The following PKM variants were observed in gnomAD, a reference collection of about 807,000 sequenced individuals.
The protein encoded by PKM is pyruvate kinase M1/2.
PKM carries 18 observed loss-of-function variants against 49.8 expected under a neutral mutation model. That is an observed-to-expected ratio of 0.36 (90% CI 0.25 to 0.54). PKM has a LOEUF of 0.54. PKM is among the 20% of genes least tolerant of loss of function. The pLI is 0.89. For missense variants in PKM, 508 were observed against 713.8 expected, an observed-to-expected ratio of 0.71 and a Z score of 3.28; for synonymous variants, 239 against 261.8, an observed-to-expected ratio of 0.91 and a Z score of 0.84.
chr15:72,215,862 T>G (rs1021907912), intron 3 of PKM, among the ~76,000 whole-genome samples: 3 of 152,142 alleles, frequency 2.0e-5, no homozygotes, highest in African/African-American at 7.2e-5. Flanking sequence ...TAACACTTAA[T>G]TCTCTAACAA....
intron 1 of PKM, among the ~76,000 whole-genome samples, chr15:72,225,149 G>C (rs1043537335): frequency 5.4e-5 from 8 of 148,644 alleles, no homozygotes; most frequent in Non-Finnish European, 4.5e-5. Context: ...TGTTAGCCAG[G>C]ATGGTCTCAA....
chr15:72,203,106 A>G, intron 8 of PKM: 1 of 1,614,088 alleles, frequency 6.2e-7, no homozygotes, highest in Non-Finnish European at 8.5e-7. Flanking sequence ...GGCTTCCATG[A>G]GGTCTGTGGA....
At chr15:72,231,020 T>G in intron 1 of PKM, 96 bp downstream of exon 1, 1 of 1,212,120 alleles carries the variant, frequency 8.3e-7, no homozygotes, top group Non-Finnish European at 1.1e-6. Flanking sequence ...CCGCCCTGCC[T>G]GCGTGCCCGG....
intron 1 of PKM, among the ~76,000 whole-genome samples, chr15:72,229,076 C>T (rs2082768250): frequency 6.6e-6 from 1 of 152,212 alleles, no homozygotes; most frequent in African/African-American, 2.4e-5. Flanking sequence ...CCTTGGGGAA[C>T]TGGTTTCCAG....
At position 72,206,677 on chromosome 15, in the gene PKM, T is replaced by A. The variant is rs751568831; in HGVS notation, c.1140+51A>T. The A allele has an allele frequency of 2.5e-6, 4 of 1,588,392 alleles. 1 individual carries two copies. The South Asian group carries it at 3.3e-5, about 13-fold the overall frequency. ...AGCTCTGCACCAGAGCTTGCATCCATCCCAGGCCCAGTCCGAAGCCCTGGG... is the reference window on the plus strand; with the variant it reads ...AGCTCTGCACCAGAGCTTGCATCCAACCCAGGCCCAGTCCGAAGCCCTGGG... On this transcript the variant is annotated intron_variant, in intron 8 of 10. Transcript: ENST00000335181.
rs1219668266 is a variant in PKM at position 72,229,593 on chromosome 15, C to T, written c.-14+1523G>A. On this transcript the variant is annotated intron_variant, in intron 1 of 10. Coordinates refer to ENST00000335181, the MANE Select transcript of PKM (RefSeq NM_002654.6). ...CTTCAGACTGGAAGGTGCTTTCCTG[C>T]ATCTTCTAATCCAGTGTGCTTGCCA... 5.4e-6 allele frequency: 7 copies of T among 1,286,740 alleles called. No individual in the cohort carries two copies. In the South Asian group the frequency reaches 7.4e-5, roughly 14 times the overall value. 79.7% of individuals were successfully genotyped at this position (1,286,740 alleles called of 1,614,324 possible). A position where few individuals can be genotyped will look rare whatever the true frequency, so the allele number is the denominator to read the frequency against.
chr15:72,205,887 A>T lies in PKM; in HGVS notation c.1140+841T>A, dbSNP rs28658414. On this transcript the variant is annotated intron_variant, in intron 8 of 10. Coordinates refer to ENST00000335181, the MANE Select transcript of PKM (RefSeq NM_002654.6). ...TCAGGGATCCCTGAGTTAGCTCCAG[A>T]GCTGGAACAGACAGGGCAAAGGGAC... Among the ~76,000 whole-genome samples the T allele has an allele frequency of 6.0e-3, 908 of 152,148 alleles. 8 individuals carry two copies. The highest frequency in any genetic ancestry group is 0.021 in the African/African-American group (862 of 41,438).
intron 1 of PKM, among the ~76,000 whole-genome samples, chr15:72,227,949 G>C (rs531712085): frequency 1.8e-4 from 27 of 152,224 alleles, no homozygotes; most frequent in African/African-American, 6.3e-4. Context: ...CCCCACATCA[G>C]TGTCACAACA....
At chr15:72,220,274 C>G (rs8192389) in intron 1 of PKM, among the ~76,000 whole-genome samples, 232 of 152,338 alleles carry the variant, frequency 1.5e-3, no homozygotes, top group Non-Finnish European at 2.4e-3. Flanking sequence ...CAGGAACAAG[C>G]TCCTCTTTAG....
At chr15:72,230,057 G>T (rs536085641) in intron 1 of PKM, among the ~76,000 whole-genome samples, 1 of 152,328 alleles carries the variant, frequency 6.6e-6, no homozygotes, top group East Asian at 1.9e-4. Flanking sequence ...GCCCGGTGAA[G>T]CGGGGTGGGC....
intron 1 of PKM, among the ~76,000 whole-genome samples, chr15:72,225,231 C>T (rs1369376143): frequency 8.6e-5 from 13 of 151,738 alleles, no homozygotes; most frequent in Admixed American, 7.9e-4. Context: ...CCACTGTGCC[C>T]GGCCCTCTTT....
chr15:72,219,856 T>C (rs562691545), intron 1 of PKM, among the ~76,000 whole-genome samples: 42 of 152,330 alleles, frequency 2.8e-4, no homozygotes, highest in African/African-American at 1.0e-3. Flanking sequence ...TCAAATCTTT[T>C]CCCCAAATGA....
rs1367527833 is a variant in PKM at position 72,230,861 on chromosome 15, G to A, written c.-14+255C>T. On this transcript the variant is annotated intron_variant, in intron 1 of 10. Coordinates refer to ENST00000335181, the MANE Select transcript of PKM (RefSeq NM_002654.6). ...AGGAAGAGGATGGGACCAGAATGAGGGGGTAGGGCTGGGGCGGGAAAGGAG... is the reference window on the plus strand; with the variant it reads ...AGGAAGAGGATGGGACCAGAATGAGAGGGTAGGGCTGGGGCGGGAAAGGAG... 4 of 1,151,278 alleles carry A rather than the reference G, an allele frequency of 3.5e-6. No homozygotes were observed. In the East Asian group the frequency reaches 1.8e-4, roughly 51 times the overall value. The allele number at this position is 1,151,278 out of a possible 1,614,324, so 71.3% of individuals were successfully genotyped here. A position where few individuals can be genotyped will look rare whatever the true frequency, so the allele number is the denominator to read the frequency against.
chr15:72,203,035 T>A (rs1397863911), intron 8 of PKM: 1 of 1,614,128 alleles, frequency 6.2e-7, no homozygotes, highest in Non-Finnish European at 8.5e-7. Flanking sequence ...CCAGACTCCG[T>A]CAGAACTATC....
At chr15:72,227,989 TGCTA>T (rs2082729726) in intron 1 of PKM, among the ~76,000 whole-genome samples, 1 of 152,172 alleles carries the variant, frequency 6.6e-6, no homozygotes, top group Admixed American at 6.5e-5. Context: ...TCCCATAAAG[TGCTA>T]GCTGTTTAGA....
chr15:72,221,307 G>A, intron 1 of PKM: 1 of 1,427,476 alleles, frequency 7.0e-7, no homozygotes. Context: ...TAAGGAAAAA[G>A]CTGAGTGTAA....
chr15:72,221,554 G>A (rs999170277), intron 1 of PKM, among the ~76,000 whole-genome samples: 1 of 144,556 alleles, frequency 6.9e-6, no homozygotes, highest in Non-Finnish European at 1.5e-5. Context: ...CATTGGGGTG[G>A]TAGGATTACA....
At chr15:72,229,918 AAAAAAAAGAAAG>A (rs1208441089) in intron 1 of PKM, among the ~76,000 whole-genome samples, 199 of 148,934 alleles carry the variant, frequency 1.3e-3, no homozygotes, top group African/African-American at 3.5e-3. Context: ...AATTAAAAAA[AAAAAAAAGAAAG>A]AAAAAAGAAA....
At chr15:72,208,592 G>C (rs776711451) in intron 6 of PKM, 29 bp downstream of exon 6, 38 of 1,613,084 alleles carry the variant, frequency 2.4e-5, no homozygotes, top group Non-Finnish European at 3.1e-5. Flanking sequence ...AGCTGCGCTG[G>C]GACTGGAGCA....
Sources: gnomAD v4.1 joint callset for allele counts (sites outside exome capture counted in the v4.1 genomes callset) on GRCh38, gnomAD v4.1.1 for gene constraint, MANE v1.5 for transcripts, NCBI Gene and HGNC (gene_info 2026-07-23, HGNC 2026-07-21) for gene names.